Variants in CADPS observed in about 807,000 individuals in gnomAD.
The protein encoded by CADPS is calcium-dependent secretion activator 1.
Under a neutral mutation model 167.3 loss-of-function variants are expected in CADPS, and 57 were observed. The observed-to-expected ratio is 0.34, with a 90% CI of 0.28 to 0.42. The LOEUF is 0.42. CADPS is among the 20% of genes least tolerant of loss of function. The probability of loss-of-function intolerance (pLI) is 1.00; values close to 1 mark genes in which losing one functional copy is unlikely to be tolerated. For synonymous variants in CADPS, 676 were observed against 635.3 expected (o/e 1.06, Z -0.96); for missense variants, 1,414 against 1,738.1 (o/e 0.81, Z 3.32).
intron 3 of CADPS, among the ~76,000 whole-genome samples, chr3:62,734,217 C>T (rs548677075): frequency 1.1e-4 from 16 of 152,278 alleles, no homozygotes; most frequent in Middle Eastern, 3.4e-3. Flanking sequence ...CAGATATAGA[C>T]CAATGCTGCA....
At chr3:62,584,002 C>T (rs2084023382) in intron 8 of CADPS, among the ~76,000 whole-genome samples, 1 of 119,040 alleles carries the variant, frequency 8.4e-6, no homozygotes, top group African/African-American at 3.2e-5. Context: ...TCTACCCAAT[C>T]CTCTTTTTTT....
At chr3:62,713,732 G>A (rs965546929) in intron 3 of CADPS, among the ~76,000 whole-genome samples, 3 of 152,090 alleles carry the variant, frequency 2.0e-5, no homozygotes, top group East Asian at 3.9e-4. Context: ...TTTGGGGCTC[G>A]CCTGCCCTGC....
chr3:62,827,199 C>A (rs1002888721), intron 1 of CADPS, among the ~76,000 whole-genome samples: 70 of 152,252 alleles, frequency 4.6e-4, no homozygotes, highest in African/African-American at 1.7e-3. Context: ...ACAATATAAT[C>A]CCTAACTAGA....
chr3:62,524,137 T>C (rs530564446), intron 13 of CADPS, among the ~76,000 whole-genome samples: 3 of 152,370 alleles, frequency 2.0e-5, no homozygotes, highest in Middle Eastern at 6.8e-3. Context: ...AGTTTTAGAA[T>C]GATACCTTTG....
intron 4 of CADPS, 62 bp downstream of exon 4, chr3:62,662,252 A>G: frequency 7.6e-7 from 1 of 1,317,316 alleles, no homozygotes; most frequent in South Asian, 1.2e-5. Context: ...GTCAATAATC[A>G]ATGTGCTTCC....
At chr3:62,767,556 A>G (rs2087244624) in intron 1 of CADPS, among the ~76,000 whole-genome samples, 1 of 152,212 alleles carries the variant, frequency 6.6e-6, no homozygotes, top group Non-Finnish European at 1.5e-5. Context: ...GGAGACACAA[A>G]GCCAGCATGA....
At chr3:62,609,664 G>A (rs944437133) in intron 6 of CADPS, among the ~76,000 whole-genome samples, 5 of 152,176 alleles carry the variant, frequency 3.3e-5, no homozygotes, top group South Asian at 2.1e-4. Flanking sequence ...ATGGTTGTTA[G>A]TAAAGATCGA....
chr3:62,581,507 C>T (rs2083434309), intron 8 of CADPS, among the ~76,000 whole-genome samples: 1 of 150,476 alleles, frequency 6.6e-6, no homozygotes, highest in Non-Finnish European at 1.5e-5. Context: ...TGAGATCCCA[C>T]CTCTACAAAT....
rs1473486412 is a variant in CADPS, at chr3:62,602,802, T to G, written c.1326-10054A>C. 6.6e-6 allele frequency among the ~76,000 whole-genome samples: 1 copy of G among 152,168 alleles called. No homozygotes were observed. The highest frequency in any genetic ancestry group is 2.4e-5 in the African/African-American group (1 of 41,438). On this transcript the variant is annotated intron_variant, in intron 6 of 29. Transcript: ENST00000383710. This position sits in a 1 kb window ranked among gnomAD's most constrained non-coding sequence, Gnocchi z 4.4. ...GATCAAATGTGTCCAAACCTCAGCTTGATCTCTTCTCCCTCACATCTGTTC... is the reference window on the plus strand; with the variant it reads ...GATCAAATGTGTCCAAACCTCAGCTGGATCTCTTCTCCCTCACATCTGTTC...
chr3:62,579,317 T>A (rs2082928314), intron 8 of CADPS, among the ~76,000 whole-genome samples: 1 of 152,194 alleles, frequency 6.6e-6, no homozygotes, highest in South Asian at 2.1e-4. Flanking sequence ...GGGGGTTCAT[T>A]TATTCACTTA....
intron 1 of CADPS, among the ~76,000 whole-genome samples, chr3:62,843,605 T>C (rs1338434705): frequency 6.6e-6 from 1 of 152,032 alleles, no homozygotes; most frequent in Non-Finnish European, 1.5e-5. Context: ...TTACTTCCAT[T>C]ATGTTGCTCC....
chr3:62,608,289 T>C (rs2149244020), intron 6 of CADPS, among the ~76,000 whole-genome samples: 1 of 147,016 alleles, frequency 6.8e-6, no homozygotes, highest in Admixed American at 6.8e-5. Context: ...TGTTGTTGCT[T>C]TTTTTTTTTT....
intron 16 of CADPS, among the ~76,000 whole-genome samples, chr3:62,513,074 T>C (rs2068193296): frequency 6.6e-6 from 1 of 152,102 alleles, no homozygotes; most frequent in Non-Finnish European, 1.5e-5. Context: ...AGGCAAAGTT[T>C]AGAGGACAAG....
Position 62,456,763 on chromosome 3 carries a change from TAA to T in CADPS, c.3636+8602_3636+8603del, listed in dbSNP as rs11368866. 5.1e-3 allele frequency among the ~76,000 whole-genome samples: 660 copies of T among 129,274 alleles called. 11 individuals carry two copies. The highest frequency in any genetic ancestry group is 0.036 in the South Asian group (146 of 4,014). 84.8% of individuals were successfully genotyped at this position (129,274 alleles called of 152,430 possible). ...CCCTTTCTCTTTATCTATCACTGTC[TAA>T]AAAAAAAAAAAAAACCCAATATAAT... On this transcript the variant is annotated intron_variant, in intron 26 of 29. Coordinates refer to ENST00000383710, the MANE Select transcript of CADPS (RefSeq NM_003716.4).
intron 3 of CADPS, among the ~76,000 whole-genome samples, chr3:62,740,565 A>G (rs1321686895): frequency 1.3e-5 from 2 of 152,140 alleles, no homozygotes. Flanking sequence ...CTCAGCCTAA[A>G]CAATTTCTTC....
At chr3:62,739,740 T>A (rs571097380) in intron 3 of CADPS, among the ~76,000 whole-genome samples, 1 of 152,164 alleles carries the variant, frequency 6.6e-6, no homozygotes, top group South Asian at 2.1e-4. Flanking sequence ...AGCTAGCATA[T>A]CAGCATTGAT....
At chr3:62,409,381 G>C (rs748550923) in intron 28 of CADPS, among the ~76,000 whole-genome samples, 19 of 152,234 alleles carry the variant, frequency 1.2e-4, no homozygotes, top group Admixed American at 5.9e-4. Context: ...TGTTGAAACT[G>C]TTTCTCTTAG....
At position 62,532,839 on chromosome 3, in the gene CADPS, G is replaced by T. The variant is rs778091717; in HGVS notation, c.2291+32C>A. On this transcript the variant is annotated intron_variant, in intron 13 of 29. Transcript: ENST00000383710. ...ACCATTGCCAGTGCCATTTCTTAAG[G>T]ATCACCTCTAGACACACGAACACAC... 2.5e-6 allele frequency: 4 copies of T among 1,597,326 alleles called. No homozygotes were observed. The South Asian group carries it at 3.3e-5, about 13-fold the overall frequency.
chr3:62,780,975 A>G lies in CADPS; in HGVS notation c.442-14991T>C, dbSNP rs115708105. ...ATCCAATAAATGTTAGTCGTTATCT[A>G]TATCTTAGGACTCGTACATTTATTT... On this transcript the variant is annotated intron_variant, in intron 1 of 29. Coordinates refer to ENST00000383710, the MANE Select transcript of CADPS (RefSeq NM_003716.4). 5.9e-3 allele frequency among the ~76,000 whole-genome samples: 894 copies of G among 152,306 alleles called. 13 individuals are homozygous for G. The highest frequency in any genetic ancestry group is 0.02 in the African/African-American group (823 of 41,562).
Sources: allele counts gnomAD v4.1 joint callset (sites outside exome capture counted in the v4.1 genomes callset), GRCh38; gene constraint gnomAD v4.1.1; non-coding constraint Gnocchi (gnomAD v3.1); transcripts MANE v1.5; gene names NCBI Gene and HGNC (gene_info 2026-07-23, HGNC 2026-07-21).